The following KYAT1 variants were observed in gnomAD, a reference collection of about 807,000 sequenced individuals.
The protein encoded by KYAT1 is kynurenine aminotransferase 1.
In KYAT1, 47 loss-of-function variants were observed where a neutral mutation model predicts 52.4. That is an observed-to-expected ratio of 0.90 (90% CI 0.71 to 1.14). The LOEUF is 1.14. Ranked by LOEUF, KYAT1 falls within the 50% of genes most tolerant of loss-of-function variation. KYAT1 has a pLI of 0.00. For synonymous variants in KYAT1, 212 were observed against 209.6 expected (o/e 1.01, Z -0.10); for missense variants, 480 against 557.9 (o/e 0.86, Z 1.41).
upstream of KYAT1, chr9:128,882,437 G>A (rs1280211358): frequency 2.4e-5 from 8 of 337,682 alleles, no homozygotes; most frequent in East Asian, 4.3e-5. Context: ...GGAGTCTCCG[G>A]GGCACCACCT....
chr9:128,839,894 G>GA (rs1012077033), intron 3 of KYAT1, among the ~76,000 whole-genome samples: 2 of 150,696 alleles, frequency 1.3e-5, no homozygotes, highest in Admixed American at 6.6e-5. Context: ...TCTACTGATG[G>GA]AAAATCAAAA....
At chr9:128,846,536 T>C (rs1833120788) in intron 1 of KYAT1, 3 of 557,108 alleles carry the variant, frequency 5.4e-6, no homozygotes, top group African/African-American at 2.0e-5. Flanking sequence ...GAGATGGAGA[T>C]TGCAGTGGGC....
intron 1 of KYAT1, among the ~76,000 whole-genome samples, chr9:128,871,295 G>A (rs1263728184): frequency 6.6e-6 from 1 of 152,094 alleles, no homozygotes; most frequent in African/African-American, 2.4e-5. Context: ...TCCAGCTTGG[G>A]AGACAGAGTG....
intron 1 of KYAT1, among the ~76,000 whole-genome samples, chr9:128,863,865 G>A (rs1281396910): frequency 6.6e-6 from 1 of 152,136 alleles, no homozygotes; most frequent in Non-Finnish European, 1.5e-5. Flanking sequence ...CCAAAGCAGG[G>A]AGGGTGCTGC....
intron 1 of KYAT1, among the ~76,000 whole-genome samples, chr9:128,864,397 T>G (rs968736062): frequency 6.6e-6 from 1 of 151,604 alleles, no homozygotes; most frequent in Non-Finnish European, 1.5e-5. Flanking sequence ...GTTTTTCATT[T>G]AAAAAATTTT....
chr9:128,857,709 A>G (rs1015788903), intron 1 of KYAT1, among the ~76,000 whole-genome samples: 2 of 152,162 alleles, frequency 1.3e-5, no homozygotes, highest in African/African-American at 2.4e-5. Flanking sequence ...GGTGGTGGGC[A>G]CCTGCAGTCC....
At position 128,837,736 on chromosome 9, in the gene KYAT1, T is replaced by C; in HGVS notation, c.516A>G (p.Thr172=). The change falls in exon 6 of 13, where the codon ACA becomes ACG. Residue 172 remains threonine, a synonymous_variant. Coordinates refer to ENST00000302586, the MANE Select transcript of KYAT1 (RefSeq NM_004059.5). ...TGAGGACCAGGGCTTTGGTGCGTGA[T>C]GTGAATTTGCCGGCCAGCTCCATGG... is the stretch of plus-strand genomic sequence containing the variant. ...LDPMELAGKF[T]SRTKALVLNT... 5 of 1,614,136 alleles carry C rather than the reference T, an allele frequency of 3.1e-6. No homozygotes were observed. The highest frequency in any genetic ancestry group is 4.2e-6 in the Non-Finnish European group (5 of 1,180,012).
At chr9:128,846,043 C>T (rs1385585216) in intron 1 of KYAT1, among the ~76,000 whole-genome samples, 1 of 152,242 alleles carries the variant, frequency 6.6e-6, no homozygotes, top group Non-Finnish European at 1.5e-5. Context: ...TAATCCGCTC[C>T]TCGGAGGGTC....
intron 1 of KYAT1, among the ~76,000 whole-genome samples, chr9:128,854,167 T>C (rs1834304202): frequency 6.6e-6 from 1 of 152,146 alleles, no homozygotes; most frequent in Non-Finnish European, 1.5e-5. Context: ...GGACAGGCCA[T>C]AATTGAAAGA....
At chr9:128,873,381 A>G (rs1367883870) in intron 1 of KYAT1, among the ~76,000 whole-genome samples, 4 of 151,850 alleles carry the variant, frequency 2.6e-5, no homozygotes, top group African/African-American at 9.7e-5. Context: ...AAAAAAACTA[A>G]TAAGAACTTA....
chr9:128,833,216 T>A lies in KYAT1; in HGVS notation c.*368A>T. 3.4e-6 allele frequency: 1 copy of A among 290,654 alleles called. No homozygotes were observed. The highest frequency in any genetic ancestry group is 7.1e-5 in the South Asian group (1 of 14,040). The allele number at this position is 290,654 out of a possible 1,614,324, so 18.0% of individuals were successfully genotyped here. ...CAAGGCCAAGATGAGCCAGGGAAGG[T>A]GAGGTTATACCTGAGCCTTAGCAGG... is the stretch of plus-strand genomic sequence containing the variant. On this transcript the variant is annotated 3_prime_UTR_variant, in exon 13 of 13. Transcript: ENST00000302586.
At chr9:128,836,163 C>T in intron 7 of KYAT1, 90 bp from the exon 8 acceptor site, 1 of 1,069,118 alleles carries the variant, frequency 9.4e-7, no homozygotes, top group Non-Finnish European at 1.4e-6. Context: ...CACGCATAGG[C>T]TTTTGACACC....
intron 11 of KYAT1, 83 bp downstream of exon 11, chr9:128,835,240 C>T: frequency 9.0e-7 from 1 of 1,111,010 alleles, no homozygotes; most frequent in South Asian, 1.2e-5. Context: ...AAGATCTAGC[C>T]CAGGAGCCTC....
chr9:128,876,730 T>C (rs568104422), intron 1 of KYAT1, among the ~76,000 whole-genome samples: 337 of 149,234 alleles, frequency 2.3e-3, no homozygotes, highest in Middle Eastern at 7.0e-3. Flanking sequence ...TTTTTTTTTT[T>C]TTTTCTTGAG....
At chr9:128,839,776 G>A (rs986322578) in intron 3 of KYAT1, among the ~76,000 whole-genome samples, 2 of 152,268 alleles carry the variant, frequency 1.3e-5, no homozygotes, top group Non-Finnish European at 2.9e-5. Flanking sequence ...GCACAGGCCA[G>A]GCACCGTGGC....
intron 1 of KYAT1, among the ~76,000 whole-genome samples, chr9:128,849,148 A>G (rs1833552141): frequency 1.3e-5 from 2 of 151,576 alleles, no homozygotes; most frequent in African/African-American, 4.8e-5. Context: ...ATGGTGGCTC[A>G]TGCCTGTAAT....
At chr9:128,881,497 G>T (rs914837829) in intron 1 of KYAT1, among the ~76,000 whole-genome samples, 2 of 152,272 alleles carry the variant, frequency 1.3e-5, no homozygotes, top group East Asian at 3.9e-4. Flanking sequence ...CCACTGTATG[G>T]ATTATTTTTT....
chr9:128,877,244 T>A (rs1003155363), intron 1 of KYAT1, among the ~76,000 whole-genome samples: 3 of 152,054 alleles, frequency 2.0e-5, no homozygotes, highest in Non-Finnish European at 4.4e-5. Flanking sequence ...TCAAGCTGTT[T>A]CCCCTGCCTG....
intron 1 of KYAT1, among the ~76,000 whole-genome samples, chr9:128,881,149 C>T (rs143231481): frequency 1.6e-3 from 248 of 152,226 alleles, no homozygotes; most frequent in African/African-American, 5.6e-3. Context: ...GGCGCGATCT[C>T]GGCTCACTGC....
Sources: allele counts gnomAD v4.1 joint callset (sites outside exome capture counted in the v4.1 genomes callset), GRCh38; gene constraint gnomAD v4.1.1; transcripts MANE v1.5; gene names NCBI Gene and HGNC (gene_info 2026-07-23, HGNC 2026-07-21).